The following MALRD1 variants were observed in gnomAD, a reference collection of about 807,000 sequenced individuals.
MALRD1 encodes the protein MAM and LDL receptor class A domain containing 1.
A neutral mutation model predicts 242.1 loss-of-function variants in MALRD1; 247 were observed. That is an observed-to-expected ratio of 1.02 (90% CI 0.92 to 1.13). The LOEUF is 1.13. Ranked by LOEUF, MALRD1 falls within the 50% of genes most tolerant of loss-of-function variation. MALRD1 has a pLI of 0.00. For missense variants in MALRD1, 2,989 were observed against 2,533.1 expected (o/e 1.18, Z -3.86); for synonymous variants, 995 against 866.6 (o/e 1.15, Z -2.60).
intron 28 of MALRD1, among the ~76,000 whole-genome samples, chr10:19,429,803 A>G (rs551459250): frequency 7.9e-5 from 12 of 152,180 alleles, no homozygotes; most frequent in East Asian, 5.8e-4. Context: ...TTGATCTTCA[A>G]TGTGACCCTT....
At chr10:19,502,929 T>A (rs61841368) in intron 31 of MALRD1, among the ~76,000 whole-genome samples, 1 of 151,678 alleles carries the variant, frequency 6.6e-6, no homozygotes, top group Non-Finnish European at 1.5e-5. Flanking sequence ...TTAAAGATTA[T>A]TAAGAGTATT....
intron 18 of MALRD1, among the ~76,000 whole-genome samples, chr10:19,244,723 C>T (rs530463853): frequency 6.6e-6 from 1 of 152,288 alleles, no homozygotes; most frequent in East Asian, 1.9e-4. Flanking sequence ...AACCTAAAAA[C>T]CAAGCTATTT....
chr10:19,071,982 G>T (rs1375663683), intron 2 of MALRD1, among the ~76,000 whole-genome samples: 1 of 152,118 alleles, frequency 6.6e-6, no homozygotes. Flanking sequence ...CAAGAATGCA[G>T]CTCTTGTCTG....
intron 28 of MALRD1, among the ~76,000 whole-genome samples, chr10:19,432,798 A>C (rs182515311): frequency 1.3e-5 from 2 of 152,344 alleles, no homozygotes; most frequent in African/African-American, 4.8e-5. Flanking sequence ...GCTTTTCTGT[A>C]ATTCCAATGA....
chr10:19,388,112 G>A (rs1846163437), intron 27 of MALRD1, among the ~76,000 whole-genome samples: 2 of 152,138 alleles, frequency 1.3e-5, no homozygotes, highest in Admixed American at 6.6e-5. Flanking sequence ...CTTGGCTTGT[G>A]TATGGTGGTT....
chr10:19,227,223 T>C (rs996302868), intron 18 of MALRD1, among the ~76,000 whole-genome samples: 1 of 151,968 alleles, frequency 6.6e-6, no homozygotes, highest in Non-Finnish European at 1.5e-5. Flanking sequence ...GTTGGAAAAC[T>C]TTCCAAATTT....
intron 7 of MALRD1, among the ~76,000 whole-genome samples, chr10:19,127,936 T>C (rs1172691674): frequency 2.0e-5 from 3 of 152,276 alleles, no homozygotes; most frequent in African/African-American, 7.2e-5. Context: ...TATAGCAATT[T>C]GTATATGTAG....
intron 21 of MALRD1, among the ~76,000 whole-genome samples, chr10:19,298,550 T>A (rs987993620): frequency 1.2e-4 from 18 of 151,900 alleles, no homozygotes; most frequent in African/African-American, 3.9e-4. Context: ...AGAGAGAGAC[T>A]ATAGGAAATT....
intron 36 of MALRD1, among the ~76,000 whole-genome samples, chr10:19,680,997 T>G (rs1842347586): frequency 6.6e-6 from 1 of 152,212 alleles, no homozygotes; most frequent in Non-Finnish European, 1.5e-5. Context: ...CTTGCAGGGT[T>G]TCTGCTGAGA....
intron 5 of MALRD1, among the ~76,000 whole-genome samples, chr10:19,121,256 G>A (rs1190520718): frequency 3.3e-5 from 5 of 150,574 alleles, no homozygotes; most frequent in Admixed American, 3.3e-4. Context: ...GGCCAGGCTG[G>A]TCTCGAACTC....
At chr10:19,469,913 C>T (rs1836411345) in intron 29 of MALRD1, among the ~76,000 whole-genome samples, 1 of 152,030 alleles carries the variant, frequency 6.6e-6, no homozygotes, top group Non-Finnish European at 1.5e-5. Flanking sequence ...TACCACACAT[C>T]CCAAAGTTTC....
At chr10:19,652,084 G>A (rs1403697882) in intron 36 of MALRD1, among the ~76,000 whole-genome samples, 1 of 152,150 alleles carries the variant, frequency 6.6e-6, no homozygotes, top group Non-Finnish European at 1.5e-5. Context: ...CAGGGCCAGC[G>A]AGGGTGACCA....
intron 12 of MALRD1, among the ~76,000 whole-genome samples, chr10:19,158,311 A>G (rs1208387040): frequency 6.6e-6 from 1 of 152,226 alleles, no homozygotes; most frequent in Non-Finnish European, 1.5e-5. Context: ...ATGTTCATCT[A>G]TTGATCTTTC....
intron 29 of MALRD1, chr10:19,489,387 T>G: frequency 3.6e-6 from 2 of 549,860 alleles, no homozygotes; most frequent in Admixed American, 3.9e-5. Flanking sequence ...GGAGAGAAAG[T>G]AGCCAAGTCT....
chr10:19,247,645 T>C (rs1347263751), intron 18 of MALRD1, among the ~76,000 whole-genome samples: 1 of 151,984 alleles, frequency 6.6e-6, no homozygotes, highest in Non-Finnish European at 1.5e-5. Flanking sequence ...CCAAAGCATT[T>C]CCACATGTAA....
At chr10:19,289,272 G>C (rs144453912) in intron 21 of MALRD1, among the ~76,000 whole-genome samples, 2 of 152,148 alleles carry the variant, frequency 1.3e-5, no homozygotes, top group East Asian at 1.9e-4. Flanking sequence ...TTGTATTTCC[G>C]TATTTCCTCT....
intron 4 of MALRD1, among the ~76,000 whole-genome samples, chr10:19,099,759 A>T (rs1001013661): frequency 5.2e-5 from 5 of 96,750 alleles, no homozygotes; most frequent in African/African-American, 1.9e-4. Context: ...CTATATATAT[A>T]TATATTTTTT....
intron 31 of MALRD1, among the ~76,000 whole-genome samples, chr10:19,519,322 C>G (rs1031082148): frequency 3.3e-5 from 5 of 151,808 alleles, no homozygotes; most frequent in African/African-American, 9.7e-5. Context: ...ATTATGCCAC[C>G]AAAACATATA....
At chr10:19,348,052 AC>A in intron 25 of MALRD1, 34 bp downstream of exon 25, 1 of 1,539,632 alleles carries the variant, frequency 6.5e-7, no homozygotes, top group Non-Finnish European at 8.8e-7. Flanking sequence ...AACCAAACAA[AC>A]ACAGAATTAT....
Sources: gnomAD v4.1 joint callset for allele counts (sites outside exome capture counted in the v4.1 genomes callset) on GRCh38, gnomAD v4.1.1 for gene constraint, MANE v1.5 for transcripts, NCBI Gene and HGNC (gene_info 2026-07-23, HGNC 2026-07-21) for gene names.